Variants in NAV1 observed in about 807,000 individuals in gnomAD.
The protein encoded by NAV1 is pore membrane and/or filament interacting like protein 3.
Under a neutral mutation model 175.2 loss-of-function variants are expected in NAV1, and 18 were observed. The ratio of observed to expected loss-of-function variants is 0.10; its 90% CI spans 0.07 to 0.15. NAV1 has a LOEUF of 0.15. NAV1 is among the 10% of genes least tolerant of loss of function. The probability of loss-of-function intolerance (pLI) is 1.00; values close to 1 mark genes in which losing one functional copy is unlikely to be tolerated. For missense variants in NAV1, 1,731 were observed against 2,436.6 expected (o/e 0.71, Z 6.10); for synonymous variants, 897 against 978.7 (o/e 0.92, Z 1.56).
At chr1:201,580,100 C>A (rs1666804685) in intron 1 of NAV1, among the ~76,000 whole-genome samples, 1 of 152,236 alleles carries the variant, frequency 6.6e-6, no homozygotes, top group South Asian at 2.1e-4. Flanking sequence ...AAAACTGTCC[C>A]AGCTCCAGGA....
At position 201,615,263 on chromosome 1, in the gene NAV1, C is replaced by CTTTT. The variant is rs1256633287; in HGVS notation, c.-32-7587_-32-7586insTTTT. Among the ~76,000 whole-genome samples the CTTTT allele has an allele frequency of 7.2e-3, 1,039 of 144,984 alleles. 30 individuals carry two copies. The highest frequency in any genetic ancestry group is 0.026 in the African/African-American group (994 of 37,598). On this transcript the variant is annotated intron_variant, in intron 2 of 33. Coordinates refer to the NAV1 transcript ENST00000685211. Reference sequence around the variant, plus strand: ...CTGCCATTTCTTTCTTTCTTTCTTTCTTTCTTTTTTTTTTTGTTTGAGATG... The same window carrying CTTTT: ...CTGCCATTTCTTTCTTTCTTTCTTTCTTTTTTTCTTTTTTTTTTTGTTTGAGATG...
chr1:201,622,016 C>A (rs967494312), upstream of NAV1, among the ~76,000 whole-genome samples: 1 of 152,160 alleles, frequency 6.6e-6, no homozygotes, highest in Non-Finnish European at 1.5e-5. Flanking sequence ...ATTAATGAGT[C>A]AAGGTCTGGA....
Position 201,810,549 on chromosome 1 carries a change from C to G in NAV1, c.4588C>G (p.Leu1530Val). ...TCTGAAGGAGAAATGCGTCGACAGC[C>G]TGGTGTTCGAGACGCTGATCCCCAA... is the stretch of plus-strand genomic sequence containing the variant. Residue 1530 changes from leucine (L) to valine (V), a missense_variant, in exon 24 of 30, where the codon CTG (leucine) becomes GTG (valine). By Grantham distance (32) the Leu-to-Val change is conservative (BLOSUM62 1). Transcript: ENST00000367296. The surrounding 1 kb of genome is among the most constrained non-coding windows in gnomAD (Gnocchi z 6.0). 1 of 1,612,502 alleles carries G rather than the reference C, an allele frequency of 6.2e-7. No individual in the cohort carries two copies. Among genetic ancestry groups the G allele is most frequent in the South Asian group, 1.1e-5 (1 of 90,808 alleles).
intron 15 of NAV1, chr1:201,798,757 C>G (rs1427518746): frequency 8.9e-6 from 1 of 112,278 alleles, no homozygotes; most frequent in Admixed American, 1.4e-4. Context: ...GACTGGAGTG[C>G]AGTGGTACAA....
chr1:201,711,710 C>T (rs1250269592), intron 1 of NAV1, among the ~76,000 whole-genome samples: 1 of 152,188 alleles, frequency 6.6e-6, no homozygotes, highest in Admixed American at 6.5e-5. Flanking sequence ...TAGGGAGGTA[C>T]TGGGGGACTT....
At chr1:201,723,880 A>C (rs955499618) in intron 3 of NAV1, 1 of 152,248 alleles carries the variant, frequency 6.6e-6, no homozygotes, top group Non-Finnish European at 1.5e-5. Flanking sequence ...GGAAAAATAG[A>C]ATAAGGGTGT....
chr1:201,645,759 G>A (rs553344605), upstream of NAV1, among the ~76,000 whole-genome samples: 1 of 152,202 alleles, frequency 6.6e-6, no homozygotes, highest in African/African-American at 2.4e-5. Context: ...CTAAGGAGAA[G>A]ATGAATTTAC....
At chr1:201,713,709 A>AT (rs1672008715) in intron 2 of NAV1, among the ~76,000 whole-genome samples, 2 of 152,136 alleles carry the variant, frequency 1.3e-5, no homozygotes, top group Admixed American at 1.3e-4. Context: ...TTGGGAAATC[A>AT]TGGGGGGTGT....
intron 1 of NAV1, among the ~76,000 whole-genome samples, chr1:201,675,038 A>G (rs1260730296): frequency 6.6e-6 from 1 of 151,840 alleles, no homozygotes; most frequent in Non-Finnish European, 1.5e-5. Flanking sequence ...TCTCAAAAAA[A>G]AAAAAAAAAA....
chr1:201,714,496 C>CT (rs1672053643), intron 2 of NAV1, among the ~76,000 whole-genome samples: 1 of 152,188 alleles, frequency 6.6e-6, no homozygotes, highest in Non-Finnish European at 1.5e-5. Context: ...ACCCTGACTA[C>CT]TGAAAGGGAG....
At position 201,611,398 on chromosome 1, in the gene NAV1, T is replaced by G. The variant is rs149498636; in HGVS notation, c.-32-11455T>G. ...TGAGAGGTTGGCAGAGATTAGAGGC[T>G]GGACAAGAAGGATAAACATTTAGTA... On this transcript the variant is annotated intron_variant, in intron 2 of 33. Coordinates refer to the NAV1 transcript ENST00000685211. Among the ~76,000 whole-genome samples the G allele has an allele frequency of 4.6e-3, 706 of 152,328 alleles. 4 individuals carry two copies. The highest frequency in any genetic ancestry group is 6.5e-3 in the Non-Finnish European group (439 of 68,026).
At chr1:201,749,763 T>A (rs978438510) in intron 3 of NAV1, among the ~76,000 whole-genome samples, 14 of 152,164 alleles carry the variant, frequency 9.2e-5, no homozygotes, top group African/African-American at 3.1e-4. Context: ...TAGCCAGGCA[T>A]GGTGACACAT....
intron 1 of NAV1, among the ~76,000 whole-genome samples, chr1:201,692,609 A>G (rs571881239): frequency 1.9e-4 from 29 of 152,318 alleles, no homozygotes; most frequent in African/African-American, 6.7e-4. Flanking sequence ...TGTGTCTGAC[A>G]GGGGAGCACT....
At chr1:201,583,677 A>G (rs1201501514) in intron 1 of NAV1, among the ~76,000 whole-genome samples, 1 of 152,218 alleles carries the variant, frequency 6.6e-6, no homozygotes, top group East Asian at 1.9e-4. Context: ...TTTCTTCCCA[A>G]GGAAGCCATG....
At chr1:201,559,468 C>A (rs966938693) in intron 1 of NAV1, among the ~76,000 whole-genome samples, 1 of 152,050 alleles carries the variant, frequency 6.6e-6, no homozygotes, top group Non-Finnish European at 1.5e-5. Flanking sequence ...CTTAGAGTTA[C>A]GACTGGGAGC....
chr1:201,648,375 AT>A, exon 1 of NAV1: 2 of 1,220,548 alleles, frequency 1.6e-6, no homozygotes, highest in Non-Finnish European at 2.0e-6. Context: ...TTTAATTTGT[AT>A]TTTCCCCGCC....
chr1:201,803,683 C>T (rs1463442151), exon 16 of NAV1: 9 of 1,612,216 alleles, frequency 5.6e-6, no homozygotes, highest in African/African-American at 1.3e-5. Flanking sequence ...AGCAAGGATG[C>T]TGATGCGAAA....
intron 3 of NAV1, among the ~76,000 whole-genome samples, chr1:201,772,936 G>A (rs1319805052): frequency 6.6e-6 from 1 of 151,944 alleles, no homozygotes; most frequent in East Asian, 1.9e-4. Flanking sequence ...GGGAGGCTGA[G>A]GCAGGAGAAT....
intron 1 of NAV1, among the ~76,000 whole-genome samples, chr1:201,550,637 A>C (rs1474380733): frequency 1.3e-5 from 2 of 152,248 alleles, no homozygotes; most frequent in Non-Finnish European, 2.9e-5. Flanking sequence ...TGAAAGCTAA[A>C]GTTAAGTATT....
Sources: allele counts gnomAD v4.1 joint callset (sites outside exome capture counted in the v4.1 genomes callset), GRCh38; gene constraint gnomAD v4.1.1; non-coding constraint Gnocchi (gnomAD v3.1); transcripts MANE v1.5; gene names NCBI Gene and HGNC (gene_info 2026-07-23, HGNC 2026-07-21).